ABL2: variants seen among roughly 807,000 people sequenced by gnomAD.
The protein encoded by ABL2 is tyrosine-protein kinase ABL2.
In ABL2, 49 loss-of-function variants were observed where a neutral mutation model predicts 107.7. The observed-to-expected ratio is 0.45, with a 90% CI of 0.36 to 0.58. The LOEUF (loss-of-function observed/expected upper bound fraction) is 0.58, where lower values mean the gene tolerates loss of function less well. ABL2 is among the 20% of genes least tolerant of loss of function. The pLI is 0.00. For synonymous variants in ABL2, 549 were observed against 548.6 expected, an observed-to-expected ratio of 1.00 and a Z score of -0.01; for missense variants, 1,245 against 1,457.0, an observed-to-expected ratio of 0.85 and a Z score of 2.37.
chr1:179,138,279 T>C (rs1045194937), intron 1 of ABL2, among the ~76,000 whole-genome samples: 5 of 152,156 alleles, frequency 3.3e-5, no homozygotes, highest in African/African-American at 1.2e-4. Context: ...TAATTATTAT[T>C]ATTGAGACAA....
intron 1 of ABL2, among the ~76,000 whole-genome samples, chr1:179,150,564 T>C (rs1308475859): frequency 6.6e-6 from 1 of 152,180 alleles, no homozygotes; most frequent in East Asian, 1.9e-4. Flanking sequence ...CCTGAACGGA[T>C]GAGGAGTGGC....
intron 8 of ABL2, 88 bp downstream of exon 8, chr1:179,117,244 T>C (rs2102611296): frequency 7.5e-7 from 1 of 1,336,292 alleles, no homozygotes; most frequent in Non-Finnish European, 1.1e-6. Context: ...TAGAGGATAC[T>C]GAACATCGTA....
At chr1:179,134,770 C>G (rs924929647) in intron 1 of ABL2, among the ~76,000 whole-genome samples, 1 of 152,222 alleles carries the variant, frequency 6.6e-6, no homozygotes, top group African/African-American at 2.4e-5. Context: ...CGGTCTCCCT[C>G]TGATGCCGAG....
intron 1 of ABL2, among the ~76,000 whole-genome samples, chr1:179,148,917 A>G: frequency 1.0e-5 from 1 of 96,152 alleles, no homozygotes; most frequent in Middle Eastern, 5.4e-3. Context: ...AAAAAAAGGA[A>G]AAAAAAAAAA....
At chr1:179,162,295 A>T (rs550997038) in intron 1 of ABL2, among the ~76,000 whole-genome samples, 1 of 152,342 alleles carries the variant, frequency 6.6e-6, no homozygotes, top group South Asian at 2.1e-4. Flanking sequence ...CCTAGAAACC[A>T]TCCAAAAGAT....
Position 179,217,388 on chromosome 1 carries a change from G to A in ABL2, c.157+11853C>T, listed in dbSNP as rs369086113. On this transcript the variant is annotated intron_variant, in intron 1 of 11. Coordinates refer to ENST00000502732, the MANE Select transcript of ABL2 (RefSeq NM_007314.4). ...CACCTGTAATCCCAGCACTTTGGGA[G>A]GCCAAGGTGGATGAGTCACCTGAGG... is the stretch of plus-strand genomic sequence containing the variant. Among the ~76,000 whole-genome samples, 77 of 151,798 alleles carry A rather than the reference G, an allele frequency of 5.1e-4. 3 individuals are homozygous for A. The East Asian group carries it at 9.0e-3, about 18-fold the overall frequency.
chr1:179,212,917 A>G (rs1662358098), intron 1 of ABL2, among the ~76,000 whole-genome samples: 1 of 151,114 alleles, frequency 6.6e-6, no homozygotes, highest in South Asian at 2.1e-4. Flanking sequence ...GTGGTGGCAC[A>G]AGCCTGTAAT....
chr1:179,207,866 T>C (rs999446992), intron 1 of ABL2, among the ~76,000 whole-genome samples: 6 of 152,202 alleles, frequency 3.9e-5, no homozygotes, highest in South Asian at 4.1e-4. Context: ...CTGACTGATA[T>C]TGTCACAGAA....
At position 179,205,552 on chromosome 1, in the gene ABL2, T is replaced by A. The variant is rs376022394; in HGVS notation, c.157+23689A>T. 3.5e-4 allele frequency among the ~76,000 whole-genome samples: 53 copies of A among 152,324 alleles called. 1 individual carries two copies. The South Asian group carries it at 8.5e-3, about 24-fold the overall frequency. Reference sequence around the variant, plus strand: ...ACTGCCAGCTTTCTAGAACGATGGTTGAAGACTCTGTCAGCCTGGGTCTCT... The same window carrying A: ...ACTGCCAGCTTTCTAGAACGATGGTAGAAGACTCTGTCAGCCTGGGTCTCT... On this transcript the variant is annotated intron_variant, in intron 1 of 11. Transcript: ENST00000502732.
intron 1 of ABL2, among the ~76,000 whole-genome samples, chr1:179,181,250 C>G (rs530033741): frequency 2.6e-5 from 4 of 152,282 alleles, no homozygotes; most frequent in African/African-American, 7.2e-5. Context: ...TAAACCCCTC[C>G]AACATTGCCC....
At chr1:179,178,420 A>AAAAAAAAAAAAAAAAAAAAC (rs1660175259) in intron 1 of ABL2, among the ~76,000 whole-genome samples, 1 of 150,642 alleles carries the variant, frequency 6.6e-6, no homozygotes, top group East Asian at 1.9e-4. Flanking sequence ...AAAAAAAAAA[A>AAAAAAAAAAAAAAAAAAAAC]TTATTTGTGT....
At chr1:179,132,124 C>T (rs1001298518) in intron 2 of ABL2, among the ~76,000 whole-genome samples, 4 of 152,206 alleles carry the variant, frequency 2.6e-5, no homozygotes, top group Non-Finnish European at 4.4e-5. Context: ...GAAATGTGGC[C>T]GCACCCGGCC....
intron 1 of ABL2, among the ~76,000 whole-genome samples, chr1:179,197,494 A>G (rs1571299021): frequency 6.6e-6 from 1 of 150,716 alleles, no homozygotes; most frequent in Middle Eastern, 3.4e-3. Flanking sequence ...AATACATTAT[A>G]GTTAACTAAT....
In ABL2 at chr1:179,101,106, C is replaced by T; in HGVS notation, c.*6612G>A. 8.7e-6 allele frequency: 2 copies of T among 231,122 alleles called. No individual in the cohort carries two copies. Among genetic ancestry groups the T allele is most frequent in the Non-Finnish European group, 1.7e-5 (2 of 116,720 alleles). The allele number at this position is 231,122 out of a possible 1,614,324, so 14.3% of individuals were successfully genotyped here. On this transcript the variant is annotated 3_prime_UTR_variant, in exon 12 of 12. Transcript: ENST00000502732. ...TGCCATCTGAGAAGCTCGTGTCTAC[C>T]AGCTCTAGTTCAATAATCATGCAAA...
At chr1:179,123,097 A>G (rs1655381471) in intron 4 of ABL2, among the ~76,000 whole-genome samples, 3 of 152,220 alleles carry the variant, frequency 2.0e-5, no homozygotes, top group African/African-American at 7.2e-5. Context: ...TTAATCTTGT[A>G]AAAAACATAA....
At chr1:179,146,936 T>C (rs1242550284) in intron 1 of ABL2, among the ~76,000 whole-genome samples, 1 of 151,956 alleles carries the variant, frequency 6.6e-6, no homozygotes. Context: ...CAAATTCTCC[T>C]TTACTGGTGA....
At chr1:179,173,579 T>C (rs1337785623) in intron 1 of ABL2, among the ~76,000 whole-genome samples, 3 of 152,138 alleles carry the variant, frequency 2.0e-5, no homozygotes, top group Non-Finnish European at 4.4e-5. Flanking sequence ...CTCGATCTCC[T>C]GACCTCGTGA....
rs2102584228 is a variant in ABL2, at chr1:179,110,273, G to A, written c.1825+9C>T. 1 of 1,614,124 alleles carries A rather than the reference G, an allele frequency of 6.2e-7. No individual in the cohort carries two copies. Among genetic ancestry groups the A allele is most frequent in the African/African-American group, 1.3e-5 (1 of 75,048 alleles). The stretch of plus-strand genomic sequence containing the variant: ...TCTATTTTGATTCTACCTGCTAAGG[G>A]ACCCATACCTGGTGCTAAACTGGAA... On this transcript the variant is annotated intron_variant, in intron 11 of 11. Coordinates refer to ENST00000502732, the MANE Select transcript of ABL2 (RefSeq NM_007314.4).
chr1:179,185,673 T>G (rs1245032891), intron 1 of ABL2, among the ~76,000 whole-genome samples: 1 of 152,080 alleles, frequency 6.6e-6, no homozygotes, highest in Non-Finnish European at 1.5e-5. Context: ...TATGTAAGTT[T>G]GAGTTAAAAG....
Sources: gnomAD v4.1 joint callset for allele counts (sites outside exome capture counted in the v4.1 genomes callset) on GRCh38, gnomAD v4.1.1 for gene constraint, MANE v1.5 for transcripts, NCBI Gene and HGNC (gene_info 2026-07-23, HGNC 2026-07-21) for gene names.